The following PCK2 variants were observed in gnomAD, a reference collection of about 807,000 sequenced individuals.
The protein encoded by PCK2 is phosphoenolpyruvate carboxykinase 2, mitochondrial.
PCK2 carries 56 observed loss-of-function variants against 65.9 expected under a neutral mutation model. The observed-to-expected ratio is 0.85, with a 90% CI of 0.69 to 1.06. PCK2 has a LOEUF of 1.06. Ranked by LOEUF, PCK2 falls within the 50% of genes least tolerant of loss-of-function variation. The pLI, the probability that PCK2 is intolerant of heterozygous loss-of-function variation, is 0.00. For missense variants in PCK2, 843 were observed against 863.1 expected (o/e 0.98, Z 0.29); for synonymous variants, 305 against 319.6 (o/e 0.95, Z 0.49).
rs2037003899 is a variant in PCK2 at position 24,098,513 on chromosome 14, G to A, written c.499G>A (p.Val167Met). The A allele has an allele frequency of 6.2e-7, 1 of 1,614,174 alleles. No individual in the cohort carries two copies. Among genetic ancestry groups the A allele is most frequent in the African/African-American group, 1.3e-5 (1 of 75,080 alleles). The change falls in exon 4 of 10, where the codon GTG becomes ATG. Residue 167 changes from valine to methionine, a missense_variant. By Grantham distance (21) the Val-to-Met change is conservative. Coordinates refer to ENST00000216780, the MANE Select transcript of PCK2 (RefSeq NM_004563.4). ...TGTGCTTCCATTCAGCATGGGTCCT[G>A]TGGGCTCCCCGCTGTCCCGCATCGG... ...MYVLPFSMGP[V>M]GSPLSRIGVQ...
chr14:24,103,158 A>T lies in PCK2; in HGVS notation c.1373-2A>T, dbSNP rs146873413. On this transcript the variant is annotated splice_acceptor_variant, in intron 8 of 9. Transcript: ENST00000216780. LOFTEE classifies it high-confidence loss of function. The stretch of plus-strand genomic sequence containing the variant: ...CTGTGACTCTGTTCATTGGTGATCT[A>T]GGGGTACCCCTGGTATACGAGGCCT... 74 of 1,610,796 alleles carry T rather than the reference A, an allele frequency of 4.6e-5. No individual in the cohort carries two copies. The highest frequency in any genetic ancestry group is 5.4e-5 in the Non-Finnish European group (64 of 1,177,130).
At position 24,100,202 on chromosome 14, in the gene PCK2, C is replaced by T; in HGVS notation, c.1223C>T (p.Pro408Leu). Residue 408 changes from proline (P) to leucine (L), a missense_variant, in exon 7 of 10, where the codon CCC becomes CTC. Pro to Leu is a moderately conservative substitution (Grantham distance 98). Transcript: ENST00000216780. Reference sequence around the variant, plus strand: ...ACTGTGACCTCCTGGCTGGGCAAACCCTGGAAACCTGGTATGTGCGGTGGG... The same window carrying T: ...ACTGTGACCTCCTGGCTGGGCAAACTCTGGAAACCTGGTATGTGCGGTGGG... ...GVTVTSWLGK[P>L]WKPGDKEPCA... is the part of the protein sequence containing the mutation. The T allele has an allele frequency of 6.2e-7, 1 of 1,614,178 alleles. No homozygotes were observed. Among genetic ancestry groups the T allele is most frequent in the Non-Finnish European group, 8.5e-7 (1 of 1,180,026 alleles).
Position 24,103,713 on chromosome 14 carries a change from A to C in PCK2, c.1672A>C (p.Ile558Leu), listed in dbSNP as rs2138980190. The part of the protein sequence containing the change: ...FGENARVLDW[I>L]CRRLEGEDSA... ...GGAGAATGCTCGGGTGCTAGACTGG[A>C]TCTGCCGGCGGTTAGAGGGGGAGGA... is the stretch of plus-strand genomic sequence containing the variant. Residue 558 changes from isoleucine (I) to leucine (L), a missense_variant, in exon 10 of 10, where the codon ATC (isoleucine) becomes CTC (leucine). Physicochemically the swap from Ile to Leu is conservative, Grantham distance 5. Coordinates refer to ENST00000216780, the MANE Select transcript of PCK2 (RefSeq NM_004563.4). 1 of 1,614,160 alleles carries C rather than the reference A, an allele frequency of 6.2e-7. No individual in the cohort carries two copies. The highest frequency in any genetic ancestry group is 1.3e-5 in the African/African-American group (1 of 75,034).
intron 4 of PCK2, 145 bp downstream of exon 4, chr14:24,098,823 G>C (rs1384515948): frequency 1.3e-6 from 1 of 762,594 alleles, no homozygotes; most frequent in Non-Finnish European, 2.1e-6. Flanking sequence ...TCCCAGCAGA[G>C]GGATAAGGCT....
At position 24,094,598 on chromosome 14, in the gene PCK2, T is replaced by C. The variant is rs2036772590; in HGVS notation, c.29+164T>C. 1 of 1,458,106 alleles carries C rather than the reference T, an allele frequency of 6.9e-7. No individual in the cohort carries two copies. Among genetic ancestry groups the C allele is most frequent in the Non-Finnish European group, 9.0e-7 (1 of 1,107,818 alleles). 90.3% of individuals were successfully genotyped at this position (1,458,106 alleles called of 1,614,324 possible). On this transcript the variant is annotated intron_variant, in intron 1 of 9. Transcript: ENST00000216780. The surrounding 1 kb of genome is among the most constrained non-coding windows in gnomAD (Gnocchi z 4.1). Reference sequence around the variant, plus strand: ...GGTCCAGCCTCCCGCGCCGCGCGTCTCTTGGGAGGGCAGCCGGCCGGTGCT... The same window carrying C: ...GGTCCAGCCTCCCGCGCCGCGCGTCCCTTGGGAGGGCAGCCGGCCGGTGCT...
Position 24,099,558 on chromosome 14 carries a change from A to T in PCK2, c.853A>T (p.Ile285Phe). The T allele has an allele frequency of 6.3e-7, 1 of 1,588,000 alleles. No homozygotes were observed. The highest frequency in any genetic ancestry group is 8.6e-7 in the Non-Finnish European group (1 of 1,166,910). ...TATTCCCTCTCTCCCCAATGCACAG[A>T]TCCTGGGCATCACCAGCCCTGCAGG... ...DEGWLAEHML[I>F]LGITSPAGKK... The change falls in exon 6 of 10, where the codon ATC becomes TTC. Residue 285 changes from isoleucine (I) to phenylalanine (F), a missense_variant and splice_region_variant. Ile to Phe is a conservative substitution (Grantham distance 21). Coordinates refer to ENST00000216780, the MANE Select transcript of PCK2 (RefSeq NM_004563.4).
chr14:24,099,518 T>C lies in PCK2; in HGVS notation c.853-40T>C, dbSNP rs968505082. ...CCCATGCAGACCATGCCCTGACTTTTGGTGACCTCTTTCTTATTCCCTCTC... is the reference window on the plus strand; with the variant it reads ...CCCATGCAGACCATGCCCTGACTTTCGGTGACCTCTTTCTTATTCCCTCTC... On this transcript the variant is annotated intron_variant, in intron 5 of 9. Transcript: ENST00000216780. The C allele has an allele frequency of 3.9e-6, 6 of 1,541,416 alleles. No individual in the cohort carries two copies. In the African/African-American group the frequency reaches 8.3e-5, roughly 21 times the overall value.
At position 24,094,579 on chromosome 14, in the gene PCK2, G is replaced by A; in HGVS notation, c.29+145G>A. The A allele has an allele frequency of 6.9e-7, 1 of 1,449,466 alleles. No homozygotes were observed. Among genetic ancestry groups the A allele is most frequent in the Non-Finnish European group, 9.1e-7 (1 of 1,104,670 alleles). The allele number at this position is 1,449,466 out of a possible 1,614,324, so 89.8% of individuals were successfully genotyped here. On this transcript the variant is annotated intron_variant, in intron 1 of 9. Transcript: ENST00000216780. The surrounding 1 kb of genome is among the most constrained non-coding windows in gnomAD (Gnocchi z 4.1). The stretch of plus-strand genomic sequence containing the variant: ...GGCAGGGGCGACTGCTGTGGGTCCA[G>A]CCTCCCGCGCCGCGCGTCTCTTGGG...
rs2037237302 is a variant in PCK2 at position 24,103,240 on chromosome 14, G to A, written c.1453G>A (p.Ala485Thr). The change falls in exon 9 of 10, where the codon GCA (alanine) becomes ACA (threonine). Residue 485 changes from alanine (A) to threonine (T), a missense_variant. Physicochemically the swap from Ala to Thr is moderately conservative, Grantham distance 58. Coordinates refer to ENST00000216780, the MANE Select transcript of PCK2 (RefSeq NM_004563.4). ...GSAMRSESTA[A>T]AEHKGKIIMH... ...CGCCATGCGCTCTGAGTCCACTGCT[G>A]CAGCAGAACACAAAGGTGAGCACCC... The A allele has an allele frequency of 1.2e-6, 2 of 1,613,404 alleles. No homozygotes were observed. Among genetic ancestry groups the A allele is most frequent in the Admixed American group, 1.7e-5 (1 of 59,984 alleles).
intron 7 of PCK2, 46 bp downstream of exon 7, chr14:24,100,259 C>A (rs780631374): frequency 1.9e-6 from 3 of 1,600,100 alleles, no homozygotes; most frequent in South Asian, 1.1e-5. Context: ...GGCCTCAGCA[C>A]CTTAATGGTG....
intron 1 of PCK2, 76 bp from the exon 2 acceptor site, chr14:24,096,815 GC>G: frequency 7.4e-7 from 1 of 1,345,786 alleles, no homozygotes; most frequent in African/African-American, 1.4e-5. Context: ...TGCAGCCCAA[GC>G]TTTCTGTCTC....
intron 2 of PCK2, 111 bp downstream of exon 2, chr14:24,097,248 A>G: frequency 1.9e-6 from 2 of 1,033,022 alleles, no homozygotes; most frequent in Non-Finnish European, 2.9e-6. Context: ...CAAGAATGAG[A>G]GCTTTGGGGT....
chr14:24,099,894 G>C, intron 6 of PCK2, 101 bp from the exon 7 acceptor site: 1 of 1,604,134 alleles, frequency 6.2e-7, no homozygotes, highest in Non-Finnish European at 8.5e-7. Flanking sequence ...TCAGATCTTG[G>C]GTCCATCTCA....
chr14:24,101,920 AAATT>A (rs1274402372), intron 7 of PCK2, among the ~76,000 whole-genome samples: 1 of 151,926 alleles, frequency 6.6e-6, no homozygotes, highest in Non-Finnish European at 1.5e-5. Flanking sequence ...TCTCATAACT[AAATT>A]AATTAAGTAA....
Position 24,094,977 on chromosome 14 carries a change from G to T in PCK2, c.29+543G>T, listed in dbSNP as rs565018766. On this transcript the variant is annotated intron_variant, in intron 1 of 9. Transcript: ENST00000216780. This position sits in a 1 kb window ranked among gnomAD's most constrained non-coding sequence, Gnocchi z 4.1. Reference sequence around the variant, plus strand: ...AGTCCAGAGCAGCCCGAGGGACCTGGGCCCAGGGGAGGGAGGCAAGCAAGG... The same window carrying T: ...AGTCCAGAGCAGCCCGAGGGACCTGTGCCCAGGGGAGGGAGGCAAGCAAGG... 266 of 704,288 alleles carry T rather than the reference G, an allele frequency of 3.8e-4. 1 individual carries two copies. In the African/African-American group the frequency reaches 4.5e-3, roughly 12 times the overall value. The allele number at this position is 704,288 out of a possible 1,614,324, so 43.6% of individuals were successfully genotyped here. A position where few individuals can be genotyped will look rare whatever the true frequency, so the allele number is the denominator to read the frequency against.
At chr14:24,099,457 A>T in intron 5 of PCK2, 101 bp from the exon 6 acceptor site, 11 of 1,173,386 alleles carry the variant, frequency 9.4e-6, no homozygotes, top group Non-Finnish European at 1.3e-5. Flanking sequence ...TAGTTAATAA[A>T]CATTGGTCCT....
chr14:24,096,450 T>C (rs1313294501), intron 1 of PCK2, among the ~76,000 whole-genome samples: 3 of 152,114 alleles, frequency 2.0e-5, no homozygotes, highest in Non-Finnish European at 4.4e-5. Context: ...TTGCCCAGTA[T>C]GGTCTTGATC....
chr14:24,094,552 C>CTGA lies in PCK2; in HGVS notation c.29+118_29+119insTGA. On this transcript the variant is annotated intron_variant, in intron 1 of 9. Coordinates refer to ENST00000216780, the MANE Select transcript of PCK2 (RefSeq NM_004563.4). This position sits in a 1 kb window ranked among gnomAD's most constrained non-coding sequence, Gnocchi z 4.1. ...CCAGGTTTCCCATCCTAGGCGGAGG[C>CTGA]GGGCAGGGGCGACTGCTGTGGGTCC... 1.4e-6 allele frequency: 2 copies of CTGA among 1,437,854 alleles called. No individual in the cohort carries two copies. The highest frequency in any genetic ancestry group is 1.8e-6 in the Non-Finnish European group (2 of 1,100,448). 89.1% of individuals were successfully genotyped at this position (1,437,854 alleles called of 1,614,324 possible). A position where few individuals can be genotyped will look rare whatever the true frequency, so the allele number is the denominator to read the frequency against.
chr14:24,095,833 C>T (rs1402998032), intron 1 of PCK2, among the ~76,000 whole-genome samples: 3 of 152,346 alleles, frequency 2.0e-5, no homozygotes, highest in Non-Finnish European at 4.4e-5. Context: ...AGCCCATGAA[C>T]CCCAGCCAGT....
Sources: allele counts gnomAD v4.1 joint callset (sites outside exome capture counted in the v4.1 genomes callset), GRCh38; gene constraint gnomAD v4.1.1; non-coding constraint Gnocchi (gnomAD v3.1); transcripts MANE v1.5; gene names NCBI Gene and HGNC (gene_info 2026-07-23, HGNC 2026-07-21).